The following JOSD2 variants were observed in gnomAD, a reference collection of about 807,000 sequenced individuals.
The protein encoded by JOSD2 is josephin-2.
In JOSD2, 20 loss-of-function variants were observed where a neutral mutation model predicts 19.3. That is an observed-to-expected ratio of 1.04 (90% CI 0.73 to 1.51). JOSD2 has a LOEUF of 1.51. Among genes scored for constraint, JOSD2 ranks in the 40% most tolerant of loss-of-function variants. The pLI, the probability that JOSD2 is intolerant of heterozygous loss-of-function variation, is 0.00. For synonymous variants in JOSD2, 118 were observed against 123.7 expected, an observed-to-expected ratio of 0.95 and a Z score of 0.31; for missense variants, 215 against 250.4, an observed-to-expected ratio of 0.86 and a Z score of 0.95.
intron 2 of JOSD2, among the ~76,000 whole-genome samples, chr19:50,508,494 C>T (rs1454105277): frequency 2.0e-5 from 3 of 152,160 alleles, no homozygotes; most frequent in Non-Finnish European, 4.4e-5. Flanking sequence ...CCTCAGCACC[C>T]TCCTTCCTGG....
Position 50,507,835 on chromosome 19 carries a change from A to G in JOSD2, c.147-136T>C. ...AGACCCCACAACTCATCCACCCCCA[A>G]GTCCTGCCTCTCCTGCCCCAATTCT... On this transcript the variant is annotated intron_variant, in intron 2 of 4. Transcript: ENST00000598418. 3 of 1,093,898 alleles carry G rather than the reference A, an allele frequency of 2.7e-6. No individual in the cohort carries two copies. The African/African-American group carries it at 4.7e-5, about 17-fold the overall frequency. The allele number at this position is 1,093,898 out of a possible 1,614,324, so 67.8% of individuals were successfully genotyped here.
In JOSD2 at chr19:50,507,593, C is replaced by A. The variant is rs777270657; in HGVS notation, c.253G>T (p.Val85Leu). ...GCCTACCTCCTCCTGTCCCACCACA[C>A]GGCGGCCAGGCCCAGCCCCTGCAGA... Reference protein sequence around the residue: ...AALQGLGLAAVWWDRRRPLSQ... With the variant: ...AALQGLGLAALWWDRRRPLSQ... Residue 85 changes from valine (V) to leucine (L), a missense_variant, in exon 3 of 5, where the codon GTG becomes TTG. Transcript: ENST00000598418. The A allele has an allele frequency of 6.2e-7, 1 of 1,606,940 alleles. No individual in the cohort carries two copies. The highest frequency in any genetic ancestry group is 8.5e-7 in the Non-Finnish European group (1 of 1,179,732).
chr19:50,507,499 GCCC>G (rs1176431347), intron 3 of JOSD2, 72 bp downstream of exon 3: 20 of 1,463,214 alleles, frequency 1.4e-5, no homozygotes, highest in East Asian at 4.9e-5. Flanking sequence ...TCCCCTCCCT[GCCC>G]CCCAACAGGC....
At chr19:50,510,179 G>A (rs1979686409) in intron 2 of JOSD2, 107 bp downstream of exon 2, 2 of 1,366,576 alleles carry the variant, frequency 1.5e-6, no homozygotes, top group South Asian at 1.2e-5. Context: ...AGTGAGCGCG[G>A]AGCAGAAGAA....
At chr19:50,511,056 GC>G (rs1332036325) in intron 1 of JOSD2, 60 bp downstream of exon 1, 1 of 450,036 alleles carries the variant, frequency 2.2e-6, no homozygotes, top group African/African-American at 2.0e-5. Flanking sequence ...AAGGAATGGA[GC>G]CCTTCGCCGA....
intron 2 of JOSD2, 72 bp from the exon 3 acceptor site, chr19:50,507,771 G>A: frequency 6.5e-7 from 1 of 1,547,204 alleles, no homozygotes. Flanking sequence ...GGGGTCCCAG[G>A]GGCCACAAGT....
At chr19:50,509,140 G>A (rs1475212760) in intron 2 of JOSD2, among the ~76,000 whole-genome samples, 1 of 138,252 alleles carries the variant, frequency 7.2e-6, no homozygotes, top group Non-Finnish European at 1.5e-5. Context: ...GTCTTGCTCT[G>A]TTGCCCGGCT....
In JOSD2 at chr19:50,506,593, C is replaced by T. The variant is rs1437540328; in HGVS notation, c.273-21G>A. ...GGGGCCTGTGTGGGCAGGGAGGGGA[C>T]ACTGCCATCAGGGCCTGCTCCGCCC... On this transcript the variant is annotated intron_variant, in intron 3 of 4. Coordinates refer to ENST00000598418, the MANE Select transcript of JOSD2 (RefSeq NM_001270639.2). 2.0e-6 allele frequency: 3 copies of T among 1,491,408 alleles called. No individual in the cohort carries two copies. In the South Asian group the frequency reaches 4.0e-5, roughly 20 times the overall value. The allele number at this position is 1,491,408 out of a possible 1,614,324, so 92.4% of individuals were successfully genotyped here.
chr19:50,509,256 A>T lies in JOSD2; in HGVS notation c.146+1030T>A, dbSNP rs563566595. Among the ~76,000 whole-genome samples, 302 of 151,574 alleles carry T rather than the reference A, an allele frequency of 2.0e-3. 1 individual carries two copies. Among genetic ancestry groups the T allele is most frequent in the African/African-American group, 6.9e-3 (285 of 41,304 alleles). ...CCACGCCCAGCTAATTTTATTTTTT[A>T]TTTATTTTTATTTTTTAGTAGAGAC... On this transcript the variant is annotated intron_variant, in intron 2 of 4. Transcript: ENST00000598418.
rs767069999 is a variant in JOSD2 at position 50,507,581 on chromosome 19, T to C, written c.265A>G (p.Arg89Gly). 13 of 1,605,022 alleles carry C rather than the reference T, an allele frequency of 8.1e-6. No homozygotes were observed. The highest frequency in any genetic ancestry group is 1.6e-4 in the Middle Eastern group (1 of 6,066). The part of the protein sequence containing the change: ...GLGLAAVWWD[R>G]RRPLSQLALP... ...TGCTGCTCTGGGGCCTACCTCCTCC[T>C]GTCCCACCACACGGCGGCCAGGCCC... The change falls in exon 3 of 5, where the codon AGG becomes GGG. Residue 89 changes from arginine (R) to glycine (G), a missense_variant. Arg to Gly is a moderately radical substitution (Grantham distance 125, BLOSUM62 -2). Coordinates refer to ENST00000598418, the MANE Select transcript of JOSD2 (RefSeq NM_001270639.2).
At position 50,510,434 on chromosome 19, in the gene JOSD2, C is replaced by A; in HGVS notation, c.-3G>T. ...TGTGCTCCCGGGGCCTGGGACATGCCGTCCTCGGCTCCTGCTGGGGGTTGG... is the reference window on the plus strand; with the variant it reads ...TGTGCTCCCGGGGCCTGGGACATGCAGTCCTCGGCTCCTGCTGGGGGTTGG... On this transcript the variant is annotated 5_prime_UTR_variant, in exon 2 of 5. Transcript: ENST00000598418. 1 of 1,603,520 alleles carries A rather than the reference C, an allele frequency of 6.2e-7. No homozygotes were observed. The highest frequency in any genetic ancestry group is 8.5e-7 in the Non-Finnish European group (1 of 1,174,428).
intron 2 of JOSD2, among the ~76,000 whole-genome samples, chr19:50,508,698 CGTG>C (rs925545710): frequency 7.1e-6 from 1 of 140,818 alleles, no homozygotes; most frequent in Non-Finnish European, 1.5e-5. Flanking sequence ...GGAAAACGCT[CGTG>C]TGTGTGTGTG....
Position 50,506,116 on chromosome 19 carries a change from C to G in JOSD2, c.*57G>C. 6.5e-7 allele frequency: 1 copy of G among 1,539,712 alleles called. No homozygotes were observed. The highest frequency in any genetic ancestry group is 8.9e-7 in the Non-Finnish European group (1 of 1,122,550). ...TGGCCTTTCCCAGGCATGCAGTGTGCGCAGCCGGAGGGGGATGCGCAGGGA... is the reference window on the plus strand; with the variant it reads ...TGGCCTTTCCCAGGCATGCAGTGTGGGCAGCCGGAGGGGGATGCGCAGGGA... On this transcript the variant is annotated 3_prime_UTR_variant, in exon 5 of 5. Coordinates refer to ENST00000598418, the MANE Select transcript of JOSD2 (RefSeq NM_001270639.2).
chr19:50,510,241 C>T (rs1392340879), intron 2 of JOSD2, 45 bp downstream of exon 2: 48 of 1,612,172 alleles, frequency 3.0e-5, no homozygotes, highest in Middle Eastern at 3.3e-4. Flanking sequence ...TGGGTCACTC[C>T]GCCAGAGCTC....
chr19:50,510,260 C>G lies in JOSD2; in HGVS notation c.146+26G>C, dbSNP rs1979697015. 4.3e-6 allele frequency: 7 copies of G among 1,613,114 alleles called. No homozygotes were observed. In the East Asian group the frequency reaches 1.6e-4, roughly 36 times the overall value. ...TCACTCCGCCAGAGCTCTGCTGCTC[C>G]AGGGGCTGGGGTGGGTGACGGTCAC... is the stretch of plus-strand genomic sequence containing the variant. On this transcript the variant is annotated intron_variant, in intron 2 of 4. Transcript: ENST00000598418.
Position 50,506,113 on chromosome 19 carries a change from G to T in JOSD2, c.*60C>A. The T allele has an allele frequency of 6.6e-7, 1 of 1,515,298 alleles. No individual in the cohort carries two copies. The highest frequency in any genetic ancestry group is 9.1e-7 in the Non-Finnish European group (1 of 1,100,636). 93.9% of individuals were successfully genotyped at this position (1,515,298 alleles called of 1,614,324 possible). On this transcript the variant is annotated 3_prime_UTR_variant, in exon 5 of 5. Transcript: ENST00000598418. The stretch of plus-strand genomic sequence containing the variant: ...TGCTGGCCTTTCCCAGGCATGCAGT[G>T]TGCGCAGCCGGAGGGGGATGCGCAG...
At chr19:50,508,146 C>T (rs987071417) in intron 2 of JOSD2, 20 of 219,098 alleles carry the variant, frequency 9.1e-5, no homozygotes, top group South Asian at 6.3e-5. Flanking sequence ...CTCTCCTGCT[C>T]TCAGCTCTCC....
Position 50,510,297 on chromosome 19 carries a change from C to T in JOSD2, c.135G>A (p.Glu45=), listed in dbSNP as rs756222333. The T allele has an allele frequency of 1.2e-6, 2 of 1,613,322 alleles. No homozygotes were observed. Among genetic ancestry groups the T allele is most frequent in the Non-Finnish European group, 1.7e-6 (2 of 1,180,012 alleles). ...TGGGTGACGGTCACCTCTTGCAGAT[C>T]TCATCGGCAGCCTCCTGGCTAAAGA... ...QQLFSQEAAD[E]ICKRLAPDSR... Residue 45 remains glutamate, a synonymous_variant, in exon 2 of 5, where the codon GAG becomes GAA. Transcript: ENST00000598418.
Position 50,510,457 on chromosome 19 carries a change from T to C in JOSD2, c.-17-9A>G, listed in dbSNP as rs972877964. 4.4e-6 allele frequency: 7 copies of C among 1,588,656 alleles called. No individual in the cohort carries two copies. The highest frequency in any genetic ancestry group is 4.3e-6 in the Non-Finnish European group (5 of 1,168,192). Reference sequence around the variant, plus strand: ...GCCGTCCTCGGCTCCTGCTGGGGGTTGGGAGGGGGAGAAGGTCCTCAGGGG... The same window carrying C: ...GCCGTCCTCGGCTCCTGCTGGGGGTCGGGAGGGGGAGAAGGTCCTCAGGGG... On this transcript the variant is annotated splice_polypyrimidine_tract_variant and intron_variant, in intron 1 of 4. Transcript: ENST00000598418.
Sources: allele counts gnomAD v4.1 joint callset (sites outside exome capture counted in the v4.1 genomes callset), GRCh38; gene constraint gnomAD v4.1.1; transcripts MANE v1.5; gene names NCBI Gene and HGNC (gene_info 2026-07-23, HGNC 2026-07-21).